Variants in RBFOX1 observed in about 807,000 individuals in gnomAD.
RBFOX1 encodes the protein RNA binding protein fox-1 homolog 1.
A neutral mutation model predicts 57.7 loss-of-function variants in RBFOX1; 8 were observed. The observed-to-expected ratio is 0.14, with a 90% CI of 0.08 to 0.25. The LOEUF (loss-of-function observed/expected upper bound fraction) is 0.25. Among genes scored for constraint, RBFOX1 ranks in the 10% least tolerant of loss-of-function variants. The probability of loss-of-function intolerance (pLI) is 1.00; values close to 1 mark genes in which losing one functional copy is unlikely to be tolerated. For missense variants in RBFOX1, 611 were observed against 548.5 expected (o/e 1.11, Z -1.14); for synonymous variants, 326 against 222.4 (o/e 1.47, Z -4.15).
intron 4 of RBFOX1, among the ~76,000 whole-genome samples, chr16:5,885,454 G>T (rs965693519): frequency 3.3e-5 from 5 of 152,058 alleles, no homozygotes; most frequent in African/African-American, 1.2e-4. Flanking sequence ...CACAAAACAT[G>T]TTAGCTAAAA....
chr16:6,560,063 T>G (rs775612886), intron 2 of RBFOX1, among the ~76,000 whole-genome samples: 2 of 151,630 alleles, frequency 1.3e-5, no homozygotes, highest in Admixed American at 6.6e-5. Context: ...CTTTCCCATT[T>G]CCCTTTCCCC....
rs1045655500 is a variant in RBFOX1, at chr16:7,238,438, C to T, written c.27+186340C>T. 1.1e-4 allele frequency among the ~76,000 whole-genome samples: 17 copies of T among 152,272 alleles called. 2 individuals carry two copies. The South Asian group carries it at 3.3e-3, about 30-fold the overall frequency. On this transcript the variant is annotated intron_variant, in intron 4 of 15. Coordinates refer to ENST00000550418, the MANE Select transcript of RBFOX1 (RefSeq NM_018723.4). ...TTCCCAAAACAGATTCTGCTTTTTG[C>T]TTCCACAGAGCCTTTGCATGGTTGT...
At chr16:5,283,893 A>G (rs574841764) in intron 1 of RBFOX1, among the ~76,000 whole-genome samples, 21 of 152,092 alleles carry the variant, frequency 1.4e-4, no homozygotes, top group Non-Finnish European at 2.8e-4. Flanking sequence ...GATTGGTTTT[A>G]AAATGTGAGG....
rs577239020 is a variant in RBFOX1 at position 7,400,337 on chromosome 16, T to G, written c.28-117810T>G. The stretch of plus-strand genomic sequence containing the variant: ...GCATTATGCAATTCTGCCCCCTCTC[T>G]CCTCCCACTGAACCCATCTTTAAGG... On this transcript the variant is annotated intron_variant, in intron 4 of 15. Coordinates refer to ENST00000550418, the MANE Select transcript of RBFOX1 (RefSeq NM_018723.4). 9.5e-4 allele frequency among the ~76,000 whole-genome samples: 145 copies of G among 152,118 alleles called. 1 individual carries two copies. The highest frequency in any genetic ancestry group is 1.6e-3 in the Non-Finnish European group (112 of 67,994).
At chr16:7,270,283 A>T (rs1434146746) in intron 4 of RBFOX1, among the ~76,000 whole-genome samples, 3 of 152,240 alleles carry the variant, frequency 2.0e-5, no homozygotes, top group African/African-American at 7.2e-5. Context: ...TCACACTAAC[A>T]TGTGAATGAC....
chr16:7,433,625 G>C (rs2098699583), intron 4 of RBFOX1, among the ~76,000 whole-genome samples: 1 of 152,194 alleles, frequency 6.6e-6, no homozygotes, highest in Non-Finnish European at 1.5e-5. Context: ...TTGAAGAGTT[G>C]TCTGGGAGAT....
At chr16:6,003,233 C>T (rs1336974298) in intron 4 of RBFOX1, among the ~76,000 whole-genome samples, 3 of 149,694 alleles carry the variant, frequency 2.0e-5, no homozygotes, top group Middle Eastern at 3.5e-3. Flanking sequence ...GAGCCGAGAT[C>T]GCGCCACTGC....
At chr16:7,383,461 G>C (rs1030847233) in intron 4 of RBFOX1, among the ~76,000 whole-genome samples, 2 of 152,068 alleles carry the variant, frequency 1.3e-5, no homozygotes, top group African/African-American at 4.8e-5. Context: ...AATTATCTGA[G>C]TTTTAGGCTA....
At chr16:6,917,686 G>A (rs1163244865) in intron 3 of RBFOX1, among the ~76,000 whole-genome samples, 1 of 152,194 alleles carries the variant, frequency 6.6e-6, no homozygotes, top group Non-Finnish European at 1.5e-5. Flanking sequence ...TCTGTGTGCT[G>A]TGTGATGAGT....
At chr16:5,582,806 C>G (rs897315138) in intron 2 of RBFOX1, among the ~76,000 whole-genome samples, 1 of 152,142 alleles carries the variant, frequency 6.6e-6, no homozygotes, top group Non-Finnish European at 1.5e-5. Flanking sequence ...GTTATCAGTT[C>G]AGCCCCAAGT....
At chr16:6,913,498 G>A (rs989551408) in intron 3 of RBFOX1, among the ~76,000 whole-genome samples, 1 of 152,036 alleles carries the variant, frequency 6.6e-6, no homozygotes, top group African/African-American at 2.4e-5. Context: ...CACAACCCTC[G>A]GCCCCATCAT....
intron 14 of RBFOX1, among the ~76,000 whole-genome samples, chr16:7,689,694 C>G (rs1276556671): frequency 6.6e-6 from 1 of 151,874 alleles, no homozygotes; most frequent in African/African-American, 2.4e-5. Flanking sequence ...TGGGAAAATA[C>G]AGAAGTAGGG....
chr16:7,261,242 A>C (rs2094907952), intron 4 of RBFOX1, among the ~76,000 whole-genome samples: 2 of 152,188 alleles, frequency 1.3e-5, no homozygotes, highest in Admixed American at 1.3e-4. Context: ...AACTTTGTAG[A>C]ATAGTTCTGA....
chr16:5,607,396 A>G (rs1234324960), intron 3 of RBFOX1, among the ~76,000 whole-genome samples: 1 of 147,090 alleles, frequency 6.8e-6, no homozygotes, highest in Non-Finnish European at 1.5e-5. Context: ...CCTCAGGCAC[A>G]GATAGCGCAG....
intron 2 of RBFOX1, among the ~76,000 whole-genome samples, chr16:6,531,751 A>G (rs1160025189): frequency 3.3e-5 from 5 of 152,158 alleles, no homozygotes; most frequent in Non-Finnish European, 7.3e-5. Flanking sequence ...AAAAGGGATT[A>G]CATGAGAACA....
chr16:7,091,262 A>G (rs75885813), intron 4 of RBFOX1, among the ~76,000 whole-genome samples: 8 of 142,494 alleles, frequency 5.6e-5, no homozygotes, highest in African/African-American at 1.8e-4. Context: ...TTTAATTTTA[A>G]CTTTACTTTT....
rs185273067 is a variant in RBFOX1 at position 5,555,687 on chromosome 16, G to A, written c.259-43215G>A. The stretch of plus-strand genomic sequence containing the variant: ...TGAAGTGAGGATTGAGGGCAGAGAC[G>A]GGGAAGTGTTTCACTAAGTCTGGAC... On this transcript the variant is annotated intron_variant, in intron 2 of 2. Transcript: ENST00000585867. Among the ~76,000 whole-genome samples, 15 of 152,216 alleles carry A rather than the reference G, an allele frequency of 9.9e-5. No homozygotes were observed. The East Asian group carries it at 1.7e-3, about 18-fold the overall frequency.
intron 1 of RBFOX1, among the ~76,000 whole-genome samples, chr16:5,382,212 C>T (rs571580485): frequency 7.2e-5 from 11 of 152,194 alleles, no homozygotes; most frequent in Non-Finnish European, 1.5e-4. Context: ...CAGTAATTGA[C>T]AACATTGTCT....
At chr16:7,614,327 A>G (rs1444956578) in intron 10 of RBFOX1, 1 of 152,086 alleles carries the variant, frequency 6.6e-6, no homozygotes, top group African/African-American at 2.4e-5. Context: ...TTTTAGTTGT[A>G]ATTCACTTCG....
Sources: allele counts gnomAD v4.1 joint callset (sites outside exome capture counted in the v4.1 genomes callset), GRCh38; gene constraint gnomAD v4.1.1; transcripts MANE v1.5; gene names NCBI Gene and HGNC (gene_info 2026-07-23, HGNC 2026-07-21).